The following ITGA9 variants were observed in gnomAD, a reference collection of about 807,000 sequenced individuals.
ITGA9 encodes integrin subunit alpha 9.
A neutral mutation model predicts 127.8 loss-of-function variants in ITGA9; 56 were observed. That is an observed-to-expected ratio of 0.44 (90% CI 0.35 to 0.55). The LOEUF (loss-of-function observed/expected upper bound fraction) is 0.55. Among genes scored for constraint, ITGA9 ranks in the 20% least tolerant of loss-of-function variants. The pLI is 0.00. For synonymous variants in ITGA9, 508 were observed against 514.5 expected (o/e 0.99, Z 0.17); for missense variants, 1,196 against 1,347.1 (o/e 0.89, Z 1.76).
At chr3:37,718,806 G>A (rs1401491827) in intron 18 of ITGA9, among the ~76,000 whole-genome samples, 2 of 152,156 alleles carry the variant, frequency 1.3e-5, no homozygotes, top group Admixed American at 1.3e-4. Flanking sequence ...CACACAGAGG[G>A]GCCTGCATCT....
intron 15 of ITGA9, among the ~76,000 whole-genome samples, chr3:37,598,054 GT>G (rs1281938959): frequency 2.6e-5 from 4 of 152,184 alleles, no homozygotes; most frequent in African/African-American, 9.7e-5. Context: ...GTGATCTTCG[GT>G]GATTTATTTT....
In ITGA9 at chr3:37,631,923, C is replaced by T. The variant is rs556820287; in HGVS notation, c.1839+2587C>T. On this transcript the variant is annotated intron_variant, in intron 16 of 27. Coordinates refer to ENST00000264741, the MANE Select transcript of ITGA9 (RefSeq NM_002207.3). ...AATAAACTGTTTAAGATAGTGTGGG[C>T]GGCCTCGTTCTCAGAGAAAAGAAAG... Among the ~76,000 whole-genome samples, 154 of 152,304 alleles carry T rather than the reference C, an allele frequency of 1.0e-3. 1 individual carries two copies. Among genetic ancestry groups the T allele is most frequent in the African/African-American group, 1.1e-3 (47 of 41,576 alleles).
chr3:37,533,476 G>C lies in ITGA9; in HGVS notation c.1528+8G>C, dbSNP rs1421387196. 2.5e-6 allele frequency: 4 copies of C among 1,613,768 alleles called. 1 individual carries two copies. Among genetic ancestry groups the C allele is most frequent in the Non-Finnish European group, 3.4e-6 (4 of 1,179,946 alleles). ...ACGTTCCAGGAGAGATTGGTAATGA[G>C]CCACCAAGTCAGGGCTCAGGATACC... On this transcript the variant is annotated splice_region_variant and intron_variant, in intron 14 of 27. Coordinates refer to ENST00000264741, the MANE Select transcript of ITGA9 (RefSeq NM_002207.3).
chr3:37,700,863 G>C (rs1384184456), intron 18 of ITGA9, among the ~76,000 whole-genome samples: 1 of 152,198 alleles, frequency 6.6e-6, no homozygotes, highest in East Asian at 1.9e-4. Flanking sequence ...TTAAAAACTA[G>C]TAAACAATGT....
intron 15 of ITGA9, among the ~76,000 whole-genome samples, chr3:37,606,802 C>T (rs1047887167): frequency 1.3e-5 from 2 of 152,000 alleles, no homozygotes; most frequent in South Asian, 2.1e-4. Flanking sequence ...TCTCGTTGGG[C>T]CCTCAGCTGT....
intron 18 of ITGA9, among the ~76,000 whole-genome samples, chr3:37,695,322 A>G (rs776135197): frequency 1.3e-5 from 2 of 152,208 alleles, no homozygotes; most frequent in African/African-American, 2.4e-5. Flanking sequence ...AGGGAGTCCA[A>G]GGAGCATTGG....
At chr3:37,719,024 G>A (rs1043734912) in intron 18 of ITGA9, among the ~76,000 whole-genome samples, 2 of 152,210 alleles carry the variant, frequency 1.3e-5, no homozygotes, top group Non-Finnish European at 2.9e-5. Flanking sequence ...AATGAAGAAT[G>A]TTGCTTGTTA....
At chr3:37,525,043 T>G (rs1405375466) in intron 12 of ITGA9, among the ~76,000 whole-genome samples, 8 of 152,234 alleles carry the variant, frequency 5.3e-5, no homozygotes, top group Admixed American at 5.2e-4. Flanking sequence ...AGATGCTCAG[T>G]GCATTTAGTG....
intron 14 of ITGA9, among the ~76,000 whole-genome samples, chr3:37,533,927 G>C (rs181176306): frequency 6.6e-6 from 1 of 152,340 alleles, no homozygotes; most frequent in Non-Finnish European, 1.5e-5. Flanking sequence ...TGGATGGTGG[G>C]ATTCGGATGC....
chr3:37,708,319 A>G (rs555960317), intron 18 of ITGA9, among the ~76,000 whole-genome samples: 2 of 152,352 alleles, frequency 1.3e-5, no homozygotes, highest in African/African-American at 2.4e-5. Context: ...TGGAACAGAC[A>G]GCATCATTTC....
At chr3:37,533,598 C>A in intron 14 of ITGA9, 130 bp downstream of exon 14, 1 of 846,206 alleles carries the variant, frequency 1.2e-6, no homozygotes, top group Admixed American at 2.0e-5. Context: ...GGCTGGACAT[C>A]CTTTCCCTCT....
intron 15 of ITGA9, among the ~76,000 whole-genome samples, chr3:37,573,386 G>A (rs1228301091): frequency 6.6e-6 from 1 of 152,124 alleles, no homozygotes; most frequent in African/African-American, 2.4e-5. Flanking sequence ...AAAACTTGGG[G>A]CTGTGAAATA....
In ITGA9 at chr3:37,654,362, C is replaced by T. The variant is rs562605859; in HGVS notation, c.1916+572C>T. 7.9e-5 allele frequency among the ~76,000 whole-genome samples: 12 copies of T among 152,272 alleles called. No homozygotes were observed. In the South Asian group the frequency reaches 2.5e-3, roughly 32 times the overall value. The stretch of plus-strand genomic sequence containing the variant: ...GTTTCCTCCCGCACTGCATGAATCC[C>T]CCAAGGCTAAAGGTGAACCGTACAG... On this transcript the variant is annotated intron_variant, in intron 17 of 27. Coordinates refer to ENST00000264741, the MANE Select transcript of ITGA9 (RefSeq NM_002207.3).
intron 23 of ITGA9, among the ~76,000 whole-genome samples, chr3:37,757,066 G>A (rs1177973065): frequency 6.6e-6 from 1 of 151,746 alleles, no homozygotes; most frequent in African/African-American, 2.4e-5. Context: ...AAATAGGGAA[G>A]ACTGAAAATA....
chr3:37,791,551 C>A (rs970733008), intron 26 of ITGA9, among the ~76,000 whole-genome samples: 2 of 152,202 alleles, frequency 1.3e-5, no homozygotes, highest in African/African-American at 2.4e-5. Context: ...GCATGGTGTC[C>A]TGGACACTGG....
intron 4 of ITGA9, among the ~76,000 whole-genome samples, chr3:37,482,601 C>A (rs1698568336): frequency 6.6e-6 from 1 of 152,156 alleles, no homozygotes; most frequent in Non-Finnish European, 1.5e-5. Flanking sequence ...TTGGGCCTCC[C>A]TGGGTTTTCC....
intron 15 of ITGA9, among the ~76,000 whole-genome samples, chr3:37,584,606 T>G (rs1699739909): frequency 6.6e-6 from 1 of 151,796 alleles, no homozygotes; most frequent in Non-Finnish European, 1.5e-5. Context: ...AATACAAAAT[T>G]TATCTGGGCA....
At chr3:37,742,675 G>A (rs922770248) in intron 21 of ITGA9, among the ~76,000 whole-genome samples, 4 of 152,066 alleles carry the variant, frequency 2.6e-5, no homozygotes, top group Admixed American at 6.6e-5. Context: ...CTAATTTTTC[G>A]GTTTTCAAGT....
At chr3:37,706,910 C>T (rs575597743) in intron 18 of ITGA9, among the ~76,000 whole-genome samples, 17 of 152,182 alleles carry the variant, frequency 1.1e-4, no homozygotes, top group Non-Finnish European at 2.1e-4. Context: ...AAAGAAAAGA[C>T]AGTCTATGTT....
Sources: gnomAD v4.1 joint callset for allele counts (sites outside exome capture counted in the v4.1 genomes callset) on GRCh38, gnomAD v4.1.1 for gene constraint, MANE v1.5 for transcripts, NCBI Gene and HGNC (gene_info 2026-07-23, HGNC 2026-07-21) for gene names.